Variants in RELN observed in about 807,000 individuals in gnomAD.
RELN encodes the protein reelin.
A neutral mutation model predicts 427.6 loss-of-function variants in RELN; 108 were observed. That is an observed-to-expected ratio of 0.25 (90% confidence interval 0.22 to 0.30). RELN has a LOEUF of 0.30. Among genes scored for constraint, RELN ranks in the 10% least tolerant of loss-of-function variants. RELN has a pLI of 1.00. For synonymous variants in RELN, 1,524 were observed against 1,513.4 expected (o/e 1.01, Z -0.16); for missense variants, 3,715 against 4,302.8 (o/e 0.86, Z 3.82).
At chr7:103,486,688 A>ATCCCC (rs1828452892) in intron 60 of RELN, among the ~76,000 whole-genome samples, 2 of 152,246 alleles carry the variant, frequency 1.3e-5, no homozygotes, top group Non-Finnish European at 2.9e-5. Flanking sequence ...GAGAAATGCA[A>ATCCCC]ATCAAAACCA....
chr7:103,945,321 T>A (rs560998231), intron 1 of RELN, among the ~76,000 whole-genome samples: 33 of 152,318 alleles, frequency 2.2e-4, no homozygotes, highest in African/African-American at 7.5e-4. Context: ...TGAACACTCA[T>A]AATCCATTAT....
chr7:103,855,567 A>C (rs893515201), intron 2 of RELN, among the ~76,000 whole-genome samples: 2 of 152,204 alleles, frequency 1.3e-5, no homozygotes, highest in Non-Finnish European at 2.9e-5. Flanking sequence ...TTTTGATTTG[A>C]ATTCCTTGCT....
At chr7:103,505,991 G>T (rs1829196943) in intron 51 of RELN, among the ~76,000 whole-genome samples, 1 of 152,178 alleles carries the variant, frequency 6.6e-6, no homozygotes, top group South Asian at 2.1e-4. Context: ...AAGAATATCA[G>T]AGAATGAAGA....
At chr7:103,883,648 CAG>C (rs1260676516) in intron 2 of RELN, among the ~76,000 whole-genome samples, 1 of 152,152 alleles carries the variant, frequency 6.6e-6, no homozygotes, top group East Asian at 1.9e-4. Context: ...AAAAGACAAA[CAG>C]AGAGTCAAAT....
intron 43 of RELN, among the ~76,000 whole-genome samples, chr7:103,541,364 C>T (rs1165991291): frequency 2.0e-5 from 3 of 152,102 alleles, no homozygotes; most frequent in Non-Finnish European, 2.9e-5. Context: ...GTATGCATGC[C>T]GGACATAGGA....
intron 2 of RELN, among the ~76,000 whole-genome samples, chr7:103,873,897 C>T (rs1419189740): frequency 8.7e-6 from 1 of 115,206 alleles, no homozygotes; most frequent in Middle Eastern, 4.4e-3. Flanking sequence ...GGCAGAGACA[C>T]AACCAAAAAG....
chr7:103,818,158 T>A (rs932690687), intron 3 of RELN, among the ~76,000 whole-genome samples: 1 of 152,082 alleles, frequency 6.6e-6, no homozygotes, highest in Non-Finnish European at 1.5e-5. Context: ...CAGGATTTTT[T>A]AAAAATGTAA....
chr7:103,759,681 C>T (rs550701682), intron 4 of RELN, among the ~76,000 whole-genome samples: 1 of 152,090 alleles, frequency 6.6e-6, no homozygotes, highest in Non-Finnish European at 1.5e-5. Context: ...AGAAGAACCA[C>T]TTTTTACTCA....
intron 46 of RELN, among the ~76,000 whole-genome samples, chr7:103,533,073 G>C (rs1057414645): frequency 1.3e-5 from 2 of 152,160 alleles, no homozygotes; most frequent in African/African-American, 4.8e-5. Flanking sequence ...TTTTAGTTTG[G>C]TGAATGGTTT....
intron 22 of RELN, among the ~76,000 whole-genome samples, chr7:103,608,895 C>A (rs1369581483): frequency 2.6e-5 from 4 of 152,032 alleles, no homozygotes; most frequent in African/African-American, 9.7e-5. Flanking sequence ...AACAATAGTT[C>A]ATAATGTTTC....
At chr7:103,823,131 G>T (rs1416469120) in intron 3 of RELN, among the ~76,000 whole-genome samples, 1 of 151,814 alleles carries the variant, frequency 6.6e-6, no homozygotes, top group African/African-American at 2.4e-5. Context: ...TACTTATTTT[G>T]TCTGATATTA....
At chr7:103,765,645 C>A (rs905139428) in intron 4 of RELN, among the ~76,000 whole-genome samples, 1 of 152,166 alleles carries the variant, frequency 6.6e-6, no homozygotes, top group Non-Finnish European at 1.5e-5. Context: ...TTTGTAACAG[C>A]TTTGCCCTCC....
intron 3 of RELN, among the ~76,000 whole-genome samples, chr7:103,793,924 G>A (rs913757139): frequency 4.6e-5 from 7 of 151,854 alleles, no homozygotes; most frequent in African/African-American, 9.7e-5. Flanking sequence ...ACACCCATAC[G>A]CCCGGCTAAT....
chr7:103,688,599 C>T (rs1054546672), intron 10 of RELN, among the ~76,000 whole-genome samples: 4 of 151,956 alleles, frequency 2.6e-5, no homozygotes, highest in Non-Finnish European at 4.4e-5. Flanking sequence ...TGTGTTAAGG[C>T]TAAATTTTTC....
intron 2 of RELN, among the ~76,000 whole-genome samples, chr7:103,834,577 A>G (rs1793355018): frequency 6.6e-6 from 1 of 152,200 alleles, no homozygotes; most frequent in African/African-American, 2.4e-5. Context: ...CTCAGATATA[A>G]AATAGTAATA....
At position 103,544,563 on chromosome 7, in the gene RELN, G is replaced by A. The variant is rs375376530; in HGVS notation, c.6523+561C>T. 5.0e-4 allele frequency among the ~76,000 whole-genome samples: 76 copies of A among 152,090 alleles called. 2 individuals are homozygous for A. The highest frequency in any genetic ancestry group is 1.8e-3 in the African/African-American group (75 of 41,498). On this transcript the variant is annotated intron_variant, in intron 42 of 64. Transcript: ENST00000428762. The stretch of plus-strand genomic sequence containing the variant: ...TTAATCCCACTACCCTAATATAGAT[G>A]GCTATTATACTTAAGACTTTCTTTT...
intron 11 of RELN, among the ~76,000 whole-genome samples, chr7:103,681,742 C>T (rs1833656840): frequency 6.6e-6 from 1 of 151,990 alleles, no homozygotes; most frequent in Admixed American, 6.6e-5. Context: ...AATCAGGTAG[C>T]AGCATCTATA....
intron 2 of RELN, among the ~76,000 whole-genome samples, chr7:103,911,268 A>G (rs62481166): frequency 8.0e-5 from 12 of 149,766 alleles, no homozygotes; most frequent in East Asian, 2.0e-4. Flanking sequence ...CATCATCACT[A>G]GCCATCAGAG....
In RELN at chr7:103,494,271, T is replaced by C. The variant is rs144807516; in HGVS notation, c.9369+1452A>G. 2.2e-3 allele frequency among the ~76,000 whole-genome samples: 336 copies of C among 152,222 alleles called. 4 individuals carry two copies. Among genetic ancestry groups the C allele is most frequent in the Middle Eastern group, 3.4e-3 (1 of 294 alleles). On this transcript the variant is annotated intron_variant, in intron 57 of 64. Transcript: ENST00000428762. ...TATTTCTGCTAGTAAGGATTTTTAC[T>C]ATTAACTGTCATTGTAGTACATCAA... is the stretch of plus-strand genomic sequence containing the variant.
Sources: allele counts gnomAD v4.1 joint callset (sites outside exome capture counted in the v4.1 genomes callset), GRCh38; gene constraint gnomAD v4.1.1; transcripts MANE v1.5; gene names NCBI Gene and HGNC (gene_info 2026-07-23, HGNC 2026-07-21).